Variants in WASF1 observed in about 807,000 individuals in gnomAD.
WASF1 encodes actin-binding protein WASF1.
WASF1 carries 7 observed loss-of-function variants against 50.5 expected under a neutral mutation model. That is an observed-to-expected ratio of 0.14 (90% CI 0.08 to 0.26). The LOEUF is 0.26. Ranked by LOEUF, WASF1 falls within the 10% of genes least tolerant of loss-of-function variation. WASF1 has a pLI of 1.00. For synonymous variants in WASF1, 205 were observed against 244.0 expected (o/e 0.84, Z 1.49); for missense variants, 470 against 694.7 (o/e 0.68, Z 3.64).
intron 3 of WASF1, among the ~76,000 whole-genome samples, chr6:110,140,858 G>A (rs1775197287): frequency 6.6e-6 from 1 of 152,154 alleles, no homozygotes; most frequent in Non-Finnish European, 1.5e-5. Flanking sequence ...AGCTATGTCA[G>A]AAGGAGCCAT....
intron 4 of WASF1, among the ~76,000 whole-genome samples, chr6:110,122,435 G>C (rs1774182175): frequency 6.6e-6 from 1 of 152,092 alleles, no homozygotes; most frequent in South Asian, 2.1e-4. Flanking sequence ...TTAGAGAAAT[G>C]AAGAAGCAAA....
intron 2 of WASF1, among the ~76,000 whole-genome samples, chr6:110,169,876 T>G (rs562895195): frequency 6.6e-6 from 1 of 152,234 alleles, no homozygotes; most frequent in Non-Finnish European, 1.5e-5. Context: ...TCAAAATGTT[T>G]CCAAAATTAA....
chr6:110,171,097 T>C (rs1354954431), intron 2 of WASF1, among the ~76,000 whole-genome samples: 1 of 152,142 alleles, frequency 6.6e-6, no homozygotes, highest in African/African-American at 2.4e-5. Flanking sequence ...CTGATATTTA[T>C]ACAGTACTTC....
At chr6:110,154,550 TG>T (rs1775971175) in intron 3 of WASF1, among the ~76,000 whole-genome samples, 2 of 152,042 alleles carry the variant, frequency 1.3e-5, no homozygotes, top group African/African-American at 4.8e-5. Context: ...ACAGAAGCAA[TG>T]GGCATAAAAA....
chr6:110,118,214 T>C (rs1389164102), intron 4 of WASF1, among the ~76,000 whole-genome samples: 1 of 151,746 alleles, frequency 6.6e-6, no homozygotes, highest in African/African-American at 2.4e-5. Flanking sequence ...AGACACAGAC[T>C]GGCAAATTGG....
At chr6:110,111,941 G>A (rs1269172727) in intron 5 of WASF1, among the ~76,000 whole-genome samples, 1 of 151,902 alleles carries the variant, frequency 6.6e-6, no homozygotes, top group Non-Finnish European at 1.5e-5. Flanking sequence ...TACGTAGGTT[G>A]TGAAATATAT....
At chr6:110,160,411 G>A (rs1335289473) in intron 3 of WASF1, among the ~76,000 whole-genome samples, 1 of 151,746 alleles carries the variant, frequency 6.6e-6, no homozygotes, top group Non-Finnish European at 1.5e-5. Context: ...CTAGGAGAGT[G>A]TGCTACCTTT....
At chr6:110,122,807 A>G (rs1774198182) in intron 4 of WASF1, among the ~76,000 whole-genome samples, 2 of 152,194 alleles carry the variant, frequency 1.3e-5, no homozygotes, top group Admixed American at 1.3e-4. Context: ...AGTAGGCTAT[A>G]GGCAGTTAAG....
At chr6:110,146,843 A>G (rs6927697) in intron 3 of WASF1, among the ~76,000 whole-genome samples, 42,309 of 151,892 alleles carry the variant, frequency 0.28, 8,511 homozygotes, top group African/African-American at 0.57. Context: ...TTGTTGTGAG[A>G]AGCAAACTTT....
At chr6:110,161,457 T>G (rs950574539) in intron 2 of WASF1, among the ~76,000 whole-genome samples, 4 of 151,586 alleles carry the variant, frequency 2.6e-5, no homozygotes, top group Non-Finnish European at 4.4e-5. Context: ...CTTATTATAC[T>G]CACATGAGCC....
chr6:110,176,366 G>C (rs1430957477), intron 2 of WASF1, among the ~76,000 whole-genome samples: 1 of 151,704 alleles, frequency 6.6e-6, no homozygotes, highest in Non-Finnish European at 1.5e-5. Context: ...TCTTCATAAA[G>C]TGAGCTATAA....
rs769984021 is a variant in WASF1, at chr6:110,140,645, G to A, written c.-28-13016C>T. ...AGAATTAATTGCTTGCTTGGTGTGCGGGGAAAAACCCCACACAACTGATCA... is the reference window on the plus strand; with the variant it reads ...AGAATTAATTGCTTGCTTGGTGTGCAGGGAAAAACCCCACACAACTGATCA... On this transcript the variant is annotated intron_variant, in intron 3 of 10. Transcript: ENST00000392589. Among the ~76,000 whole-genome samples the A allele has an allele frequency of 7.2e-5, 11 of 152,034 alleles. No individual in the cohort carries two copies. In the East Asian group the frequency reaches 7.7e-4, roughly 11 times the overall value.
intron 3 of WASF1, among the ~76,000 whole-genome samples, chr6:110,144,290 C>G (rs1269115407): frequency 6.6e-6 from 1 of 151,932 alleles, no homozygotes; most frequent in Non-Finnish European, 1.5e-5. Context: ...CATATCCTTT[C>G]CCCACTTGGT....
At chr6:110,117,014 C>G (rs544275129) in intron 4 of WASF1, among the ~76,000 whole-genome samples, 27 of 151,864 alleles carry the variant, frequency 1.8e-4, no homozygotes, top group African/African-American at 6.0e-4. Context: ...TCACCAACAT[C>G]GAAGACCAAA....
At chr6:110,108,488 TG>T in intron 6 of WASF1, 39 bp downstream of exon 6, 1 of 1,540,238 alleles carries the variant, frequency 6.5e-7, no homozygotes, top group South Asian at 1.2e-5. Context: ...ATCTGAAGTC[TG>T]AGATAAATAA....
chr6:110,177,945 C>CA (rs567334488), intron 2 of WASF1, among the ~76,000 whole-genome samples: 3,061 of 127,624 alleles, frequency 0.024, 95 homozygotes, highest in African/African-American at 0.078. Flanking sequence ...CTTATATTTG[C>CA]AAAAAAAAAA....
chr6:110,107,238 A>C (rs1413715549), intron 6 of WASF1, 44 bp from the exon 7 acceptor site: 1 of 1,252,944 alleles, frequency 8.0e-7, no homozygotes, highest in Non-Finnish European at 1.1e-6. Context: ...AGTAAGACTT[A>C]GGCAATCAGA....
intron 3 of WASF1, among the ~76,000 whole-genome samples, chr6:110,129,007 G>T (rs987567221): frequency 6.8e-6 from 1 of 147,674 alleles, no homozygotes; most frequent in African/African-American, 2.5e-5. Flanking sequence ...CCCCCTGCCC[G>T]TGGAAAGACT....
intron 4 of WASF1, among the ~76,000 whole-genome samples, chr6:110,121,596 T>A (rs1774128888): frequency 1.3e-5 from 2 of 152,156 alleles, no homozygotes; most frequent in African/African-American, 4.8e-5. Context: ...AGAGTGTAAG[T>A]CAGTTCAACC....
Sources: gnomAD v4.1 joint callset for allele counts (sites outside exome capture counted in the v4.1 genomes callset) on GRCh38, gnomAD v4.1.1 for gene constraint, MANE v1.5 for transcripts, NCBI Gene and HGNC (gene_info 2026-07-23, HGNC 2026-07-21) for gene names.